The following TRAPPC9 variants were observed in gnomAD, a reference collection of about 807,000 sequenced individuals.
TRAPPC9 encodes IKK2 binding protein.
TRAPPC9 carries 83 observed loss-of-function variants against 124.0 expected under a neutral mutation model. That is an observed-to-expected ratio of 0.67 (90% CI 0.56 to 0.80). The LOEUF (loss-of-function observed/expected upper bound fraction) is 0.80. TRAPPC9 is among the 30% of genes least tolerant of loss of function. TRAPPC9 has a pLI of 0.00. For missense variants in TRAPPC9, 1,302 were observed against 1,508.3 expected (o/e 0.86, Z 2.27); for synonymous variants, 638 against 617.5 (o/e 1.03, Z -0.49).
chr8:140,456,678 G>A, intron 1 of TRAPPC9: 1 of 504,206 alleles, frequency 2.0e-6, no homozygotes, highest in Non-Finnish European at 2.6e-6. Context: ...TCCACCCGGT[G>A]CTTTGTTTCA....
chr8:139,963,448 A>G (rs1013997117), intron 19 of TRAPPC9, among the ~76,000 whole-genome samples: 4 of 152,110 alleles, frequency 2.6e-5, no homozygotes, highest in Non-Finnish European at 5.9e-5. Context: ...CACTCATTTC[A>G]TTTCATCCTT....
chr8:140,415,457 A>G (rs545830065), intron 5 of TRAPPC9, among the ~76,000 whole-genome samples: 2 of 151,578 alleles, frequency 1.3e-5, no homozygotes, highest in African/African-American at 4.8e-5. Context: ...CGGAAAGCTG[A>G]GGCAGGAGAA....
intron 17 of TRAPPC9, among the ~76,000 whole-genome samples, chr8:140,192,183 C>T (rs2062509303): frequency 6.6e-6 from 1 of 152,210 alleles, no homozygotes; most frequent in African/African-American, 2.4e-5. Context: ...CTATAATTTG[C>T]AAATCCAGAT....
At position 139,742,479 on chromosome 8, in the gene TRAPPC9, G is replaced by A. The variant is rs1217427925; in HGVS notation, c.3056-10277C>T. Among the ~76,000 whole-genome samples the A allele has an allele frequency of 6.6e-6, 1 of 152,192 alleles. No individual in the cohort carries two copies. The highest frequency in any genetic ancestry group is 1.5e-5 in the Non-Finnish European group (1 of 68,034). ...AGCCTGGGGCCAGACAGCAGGCCAG[G>A]GCTGAAGCTGGAAGTCTCTTCCCTC... On this transcript the variant is annotated intron_variant, in intron 21 of 22. Transcript: ENST00000438773. The surrounding 1 kb of genome is among the most constrained non-coding windows in gnomAD (Gnocchi z 4.7).
At chr8:140,345,293 A>G (rs2067310973) in intron 9 of TRAPPC9, among the ~76,000 whole-genome samples, 1 of 152,312 alleles carries the variant, frequency 6.6e-6, no homozygotes, top group South Asian at 2.1e-4. Context: ...GTACTGAGTG[A>G]GGAGAAGTAG....
intron 21 of TRAPPC9, among the ~76,000 whole-genome samples, chr8:139,743,918 T>C (rs1021368320): frequency 1.3e-5 from 2 of 152,248 alleles, no homozygotes. Context: ...CCTTTTCACT[T>C]TGGCTGTTAG....
rs1822451633 is a variant in TRAPPC9, at chr8:139,788,718, T to C, written c.3056-56516A>G. Among the ~76,000 whole-genome samples, 1 of 152,176 alleles carries C rather than the reference T, an allele frequency of 6.6e-6. No homozygotes were observed. Among genetic ancestry groups the C allele is most frequent in the South Asian group, 2.1e-4 (1 of 4,820 alleles). On this transcript the variant is annotated intron_variant, in intron 21 of 22. Coordinates refer to ENST00000438773, the MANE Select transcript of TRAPPC9 (RefSeq NM_001160372.4). The surrounding 1 kb of genome is among the most constrained non-coding windows in gnomAD (Gnocchi z 4.9). Reference sequence around the variant, plus strand: ...CGAGTTACCATCACGCCTGCCTTCGTGGGCGCAGGCTGAGCACAAGGTCCA... The same window carrying C: ...CGAGTTACCATCACGCCTGCCTTCGCGGGCGCAGGCTGAGCACAAGGTCCA...
intron 19 of TRAPPC9, chr8:139,931,531 T>C (rs771308689): frequency 6.6e-6 from 1 of 152,170 alleles, no homozygotes; most frequent in Non-Finnish European, 1.5e-5. Flanking sequence ...AAAGCTCTCA[T>C]TGTACAAAAA....
At chr8:140,370,140 G>GT (rs1358173178) in intron 8 of TRAPPC9, among the ~76,000 whole-genome samples, 2 of 140,930 alleles carry the variant, frequency 1.4e-5, no homozygotes, top group Non-Finnish European at 3.1e-5. Context: ...TTTTTTTTTT[G>GT]TTTTTTTGGG....
intron 21 of TRAPPC9, among the ~76,000 whole-genome samples, chr8:139,832,627 T>A (rs946863293): frequency 2.6e-5 from 4 of 152,146 alleles, no homozygotes; most frequent in African/African-American, 9.7e-5. Context: ...GAAAGGTAAA[T>A]AAAGGTCCGC....
intron 1 of TRAPPC9, chr8:140,456,716 G>C: frequency 1.2e-6 from 1 of 821,694 alleles, no homozygotes; most frequent in Non-Finnish European, 1.5e-6. Flanking sequence ...GTCATAGGTA[G>C]CTATGACTAC....
chr8:140,131,511 G>A (rs2061208289), intron 17 of TRAPPC9, among the ~76,000 whole-genome samples: 1 of 152,200 alleles, frequency 6.6e-6, no homozygotes, highest in Non-Finnish European at 1.5e-5. Context: ...TCCAGAGAAT[G>A]CCAGGCTCAG....
chr8:139,908,891 C>T (rs1831529087), intron 20 of TRAPPC9: 1 of 152,204 alleles, frequency 6.6e-6, no homozygotes, highest in South Asian at 2.1e-4. Context: ...GAGATAAACA[C>T]CGGTAACTCC....
rs756688439 is a variant in TRAPPC9 at position 140,221,540 on chromosome 8, C to A, written c.2475G>T (p.Arg825=). 1 of 1,614,006 alleles carries A rather than the reference C, an allele frequency of 6.2e-7. No homozygotes were observed. Among genetic ancestry groups the A allele is most frequent in the Non-Finnish European group, 8.5e-7 (1 of 1,180,004 alleles). Residue 825 remains arginine (R), a synonymous_variant, in exon 17 of 23, where the codon CGG becomes CGT. Coordinates refer to ENST00000438773, the MANE Select transcript of TRAPPC9 (RefSeq NM_001160372.4). ...CCTCCACTCGGGGCCGAACGACCTG[C>A]CGAAAAGGACTGGACAGGGGAAAGC... ...VSGFPLSSPF[R]QVVRPRVEGK... is the part of the protein sequence containing the mutation.
chr8:140,298,815 A>C (rs1037727096), intron 11 of TRAPPC9, among the ~76,000 whole-genome samples: 1 of 152,210 alleles, frequency 6.6e-6, no homozygotes, highest in African/African-American at 2.4e-5. Context: ...TTTCCCCGTC[A>C]ACAAAATCTA....
intron 21 of TRAPPC9, among the ~76,000 whole-genome samples, chr8:139,789,798 C>T (rs765303538): frequency 7.2e-5 from 11 of 152,076 alleles, no homozygotes; most frequent in Non-Finnish European, 1.0e-4. Flanking sequence ...ATCATGTGAT[C>T]GAGGGAGGAC....
At chr8:140,333,062 G>A (rs2066936049) in intron 9 of TRAPPC9, among the ~76,000 whole-genome samples, 1 of 151,334 alleles carries the variant, frequency 6.6e-6, no homozygotes, top group South Asian at 2.1e-4. Context: ...GGAGGCAGAG[G>A]TTGCAGTGAG....
intron 18 of TRAPPC9, among the ~76,000 whole-genome samples, chr8:140,019,098 C>A (rs1416429670): frequency 2.0e-5 from 3 of 152,200 alleles, no homozygotes; most frequent in Non-Finnish European, 4.4e-5. Flanking sequence ...GCTAACATGA[C>A]AAATTCTAAT....
At chr8:140,203,083 C>G (rs1388334648) in intron 17 of TRAPPC9, among the ~76,000 whole-genome samples, 1 of 152,160 alleles carries the variant, frequency 6.6e-6, no homozygotes, top group Non-Finnish European at 1.5e-5. Context: ...CTGGTTTGGA[C>G]TACCTTGTTA....
Sources: allele counts gnomAD v4.1 joint callset (sites outside exome capture counted in the v4.1 genomes callset), GRCh38; gene constraint gnomAD v4.1.1; non-coding constraint Gnocchi (gnomAD v3.1); transcripts MANE v1.5; gene names NCBI Gene and HGNC (gene_info 2026-07-23, HGNC 2026-07-21).